The following EOMES variants were observed in gnomAD, a reference collection of about 807,000 sequenced individuals.
EOMES encodes the protein eomesodermin homolog.
Under a neutral mutation model 61.0 loss-of-function variants are expected in EOMES, and 18 were observed. The ratio of observed to expected loss-of-function variants is 0.30; its 90% CI spans 0.20 to 0.44. The LOEUF is 0.44. Ranked by LOEUF, EOMES falls within the 20% of genes least tolerant of loss-of-function variation. The pLI, the probability that EOMES is intolerant of heterozygous loss-of-function variation, is 1.00. For missense variants in EOMES, 885 were observed against 939.2 expected (o/e 0.94, Z 0.75); for synonymous variants, 430 against 394.0 (o/e 1.09, Z -1.08).
Position 27,718,726 on chromosome 3 carries a change from G to A in EOMES, c.1317+9C>T. On this transcript the variant is annotated intron_variant, in intron 4 of 5. Transcript: ENST00000449599. ...CTTTAGAGATTCTTGAGATGTCTGG[G>A]ACACTCACATCGGTGTTTTGGTAGG... The A allele has an allele frequency of 6.2e-7, 1 of 1,613,932 alleles. No homozygotes were observed. Among genetic ancestry groups the A allele is most frequent in the Non-Finnish European group, 8.5e-7 (1 of 1,179,820 alleles).
In EOMES at chr3:27,722,111, C is replaced by A. The variant is rs866025915; in HGVS notation, c.184G>T (p.Glu62Ter). The change falls in exon 1 of 6, where the codon GAG (glutamate) becomes TAG (stop). Residue 62 changes from glutamate (E) to a stop codon, truncating the protein, a stop_gained. Coordinates refer to ENST00000449599, the MANE Select transcript of EOMES (RefSeq NM_001278182.2). LOFTEE classifies it high-confidence loss of function. ...SKKFSGSLSC[E>*]AVSGEPAAAS... ...GCTGCGGGCTCCCCGCTCACCGCCT[C>A]GCAGGAGAGACTGCCGGAAAACTTC... The A allele has an allele frequency of 6.5e-7, 1 of 1,550,052 alleles. No individual in the cohort carries two copies. Among genetic ancestry groups the A allele is most frequent in the Non-Finnish European group, 8.7e-7 (1 of 1,147,096 alleles).
chr3:27,721,377 A>G lies in EOMES; in HGVS notation c.881+37T>C, dbSNP rs1010489421. On this transcript the variant is annotated intron_variant, in intron 1 of 5. Transcript: ENST00000449599. The surrounding 1 kb of genome is among the most constrained non-coding windows in gnomAD (Gnocchi z 7.4). ...TCCCCAGGACCACACGTCACCCTTT[A>G]TCCCCGAACCCAGGGGCCCCTCCAC... 7 of 1,551,778 alleles carry G rather than the reference A, an allele frequency of 4.5e-6. No homozygotes were observed. The highest frequency in any genetic ancestry group is 6.1e-6 in the Non-Finnish European group (7 of 1,140,022).
chr3:27,717,700 C>T lies in EOMES; in HGVS notation c.1488G>A (p.Pro496=), dbSNP rs148361153. 151 of 1,613,746 alleles carry T rather than the reference C, an allele frequency of 9.4e-5. No individual in the cohort carries two copies. The highest frequency in any genetic ancestry group is 1.6e-4 in the Middle Eastern group (1 of 6,062). The change falls in exon 6 of 6, where the codon CCG becomes CCA. Residue 496 remains proline, a synonymous_variant. Transcript: ENST00000449599. The surrounding 1 kb of genome is among the most constrained non-coding windows in gnomAD (Gnocchi z 4.5). ...GAGGTAAAGTGTTGACAAAGGGCTC[C>T]GGGAAGAAGGATTGAACGCCGTACC... ...GGRYGVQSFF[P]EPFVNTLPQA... is the part of the protein sequence containing the mutation.
In EOMES at chr3:27,719,767, G is replaced by A. The variant is rs548589455; in HGVS notation, c.1037-286C>T. Reference sequence around the variant, plus strand: ...AGAGATGACTCTTGAAGGTCAATTTGGGGCCTTCTAAAGCTGTAAGGGCAA... The same window carrying A: ...AGAGATGACTCTTGAAGGTCAATTTAGGGCCTTCTAAAGCTGTAAGGGCAA... On this transcript the variant is annotated intron_variant, in intron 2 of 5. Transcript: ENST00000449599. Among the ~76,000 whole-genome samples, 13 of 152,256 alleles carry A rather than the reference G, an allele frequency of 8.5e-5. No homozygotes were observed. The South Asian group carries it at 2.5e-3, about 29-fold the overall frequency.
rs367879200 is a variant in EOMES, at chr3:27,718,771, C to T, written c.1281G>A (p.Thr427=). The T allele has an allele frequency of 2.5e-5, 40 of 1,614,028 alleles. No individual in the cohort carries two copies. The highest frequency in any genetic ancestry group is 3.1e-5 in the Non-Finnish European group (37 of 1,180,024). The change falls in exon 4 of 6, where the codon ACG becomes ACA. Residue 427 remains threonine, a synonymous_variant. Coordinates refer to ENST00000449599, the MANE Select transcript of EOMES (RefSeq NM_001278182.2). Reference sequence around the variant, plus strand: ...GGTAGGCAGTCACTGCAATGAATTGCGTTTCTGAGAAGGTAAAAGTCTGGG... The same window carrying T: ...GGTAGGCAGTCACTGCAATGAATTGTGTTTCTGAGAAGGTAAAAGTCTGGG... ...SKTQTFTFSE[T]QFIAVTAYQN...
At chr3:27,722,434 C>G (rs577922601), upstream of EOMES, 569 of 1,367,758 alleles carry the variant, frequency 4.2e-4, no homozygotes, top group Non-Finnish European at 5.1e-4. Context: ...ACCCACCTGC[C>G]GACTCGCGGG....
Position 27,720,747 on chromosome 3 carries a change from T to C in EOMES, c.882-422A>G, listed in dbSNP as rs574667508. Among the ~76,000 whole-genome samples, 13 of 152,254 alleles carry C rather than the reference T, an allele frequency of 8.5e-5. No homozygotes were observed. In the South Asian group the frequency reaches 2.5e-3, roughly 29 times the overall value. ...TATTAGGTTATTCTTGTTAAAAATA[T>C]ATATTAAAACTTTAGGCTAAAAGTC... On this transcript the variant is annotated intron_variant, in intron 1 of 5. Transcript: ENST00000449599.
rs1439691913 is a variant in EOMES at position 27,716,410 on chromosome 3, C to T, written c.*660G>A. ...TTTTTTTTTTTTGGTGACTCCTTAG[C>T]TTGCTCTCTCCTGAGTCCCACTGGC... On this transcript the variant is annotated 3_prime_UTR_variant, in exon 6 of 6. Coordinates refer to ENST00000449599, the MANE Select transcript of EOMES (RefSeq NM_001278182.2). 8.1e-6 allele frequency: 1 copy of T among 123,416 alleles called. No homozygotes were observed. Among genetic ancestry groups the T allele is most frequent in the East Asian group, 2.5e-4 (1 of 4,044 alleles). 7.6% of individuals were successfully genotyped at this position (123,416 alleles called of 1,614,324 possible).
In EOMES at chr3:27,720,531, C is replaced by CAA. The variant is rs757181277; in HGVS notation, c.882-208_882-207dup. Among the ~76,000 whole-genome samples, 242 of 62,318 alleles carry CAA rather than the reference C, an allele frequency of 3.9e-3. 51 individuals carry two copies. Among genetic ancestry groups the CAA allele is most frequent in the Non-Finnish European group, 5.6e-3 (181 of 32,048 alleles). The allele number at this position is 62,318 out of a possible 152,430, so 40.9% of individuals were successfully genotyped here. ...AACTCTTGGAACCTTTCCGTCTTTT[C>CAA]AAAAAAAAAAAAAAAAAAAAAAAAA... On this transcript the variant is annotated intron_variant, in intron 1 of 5. Transcript: ENST00000449599.
Position 27,721,842 on chromosome 3 carries a change from A to T in EOMES, c.453T>A (p.Pro151=). Residue 151 remains proline (P), a synonymous_variant, in exon 1 of 6, where the codon CCT becomes CCA. Transcript: ENST00000449599. This position sits in a 1 kb window ranked among gnomAD's most constrained non-coding sequence, Gnocchi z 7.4. ...AGGGCGCAGCCAGCTCCGACCCCTG[A>T]GGACCGGGGGACTGGAGGTAGTACC... ...SERYYLQSPG[P]QGSELAAPCS... 6.6e-7 allele frequency: 1 copy of T among 1,519,322 alleles called. No homozygotes were observed. 94.1% of individuals were successfully genotyped at this position (1,519,322 alleles called of 1,614,324 possible). A position where few individuals can be genotyped will look rare whatever the true frequency, so the allele number is the denominator to read the frequency against.
In EOMES at chr3:27,720,054, G is replaced by A. The variant is rs2060599183; in HGVS notation, c.1036+117C>T. ...AAAGACACTCATACTAACACCTCTA[G>A]GCCTCAGAATGGAAGGGGAAAAAAA... On this transcript the variant is annotated intron_variant, in intron 2 of 5. Coordinates refer to ENST00000449599, the MANE Select transcript of EOMES (RefSeq NM_001278182.2). 6.3e-6 allele frequency: 6 copies of A among 952,430 alleles called. No individual in the cohort carries two copies. In the East Asian group the frequency reaches 1.5e-4, roughly 23 times the overall value. The allele number at this position is 952,430 out of a possible 1,614,324, so 59.0% of individuals were successfully genotyped here.
At position 27,720,301 on chromosome 3, in the gene EOMES, G is replaced by A. The variant is rs1449938261; in HGVS notation, c.906C>T (p.Phe302=). The A allele has an allele frequency of 6.2e-7, 1 of 1,613,940 alleles. No homozygotes were observed. The highest frequency in any genetic ancestry group is 8.5e-7 in the Non-Finnish European group (1 of 1,179,890). Residue 302 remains phenylalanine, a synonymous_variant, in exon 2 of 6, where the codon TTC becomes TTT. Transcript: ENST00000449599. ...CAGTGGGATTGAGTCCGTTTATGTT[G>A]AAGCTCAAGAAAGGAAACATGCGCC... ...QGRRMFPFLS[F]NINGLNPTAH... is the part of the protein sequence containing the mutation.
Position 27,720,282 on chromosome 3 carries a change from G to C in EOMES, c.925C>G (p.Pro309Ala). 2.5e-6 allele frequency: 4 copies of C among 1,613,834 alleles called. No individual in the cohort carries two copies. The highest frequency in any genetic ancestry group is 3.4e-6 in the Non-Finnish European group (4 of 1,179,788). ...FLSFNINGLN[P>A]TAHYNVFVEV... ...ACGAACACATTGTAGTGGGCAGTGG[G>C]ATTGAGTCCGTTTATGTTGAAGCTC... The change falls in exon 2 of 6, where the codon CCC becomes GCC. Residue 309 changes from proline (P) to alanine (A), a missense_variant. By Grantham distance (27) the Pro-to-Ala change is conservative. Coordinates refer to ENST00000449599, the MANE Select transcript of EOMES (RefSeq NM_001278182.2).
Position 27,722,226 on chromosome 3 carries a change from C to G in EOMES, c.69G>C (p.Glu23Asp), listed in dbSNP as rs552894757. 1.1e-5 allele frequency: 18 copies of G among 1,605,378 alleles called. No homozygotes were observed. The African/African-American group carries it at 2.1e-4, about 19-fold the overall frequency. Reference sequence around the variant, plus strand: ...TCCCGCCGCTGCCGCCTCGCGCACTCTCCAGCGGGTAGAAGTGCGCGCCAG... The same window carrying G: ...TCCCGCCGCTGCCGCCTCGCGCACTGTCCAGCGGGTAGAAGTGCGCGCCAG... ...NLPGAHFYPL[E>D]SARGGSGGSA... Residue 23 changes from glutamate (E) to aspartate (D), a missense_variant, in exon 1 of 6, where the codon GAG (glutamate) becomes GAC (aspartate). Physicochemically the swap from Glu to Asp is conservative, Grantham distance 45 (BLOSUM62 2). Around this residue, in one of 3 missense-constraint regions of EOMES, gnomAD observed 449 missense variants for 383.6 expected, o/e 1.17. Transcript: ENST00000449599.
rs543258403 is a variant in EOMES, at chr3:27,716,285, T to C, written c.*785A>G. On this transcript the variant is annotated 3_prime_UTR_variant, in exon 6 of 6. Transcript: ENST00000449599. The stretch of plus-strand genomic sequence containing the variant: ...AAGCCAAAGCACCAGTTTTACATTA[T>C]CCCAGACACCTATGTAGACTATTTG... 2 of 152,060 alleles carry C rather than the reference T, an allele frequency of 1.3e-5. No individual in the cohort carries two copies. The highest frequency in any genetic ancestry group is 4.8e-5 in the African/African-American group (2 of 41,448). 9.4% of individuals were successfully genotyped at this position (152,060 alleles called of 1,614,324 possible).
rs1050663066 is a variant in EOMES at position 27,722,059 on chromosome 3, A to T, written c.236T>A (p.Met79Lys). Residue 79 changes from methionine to lysine, a missense_variant, in exon 1 of 6, where the codon ATG (methionine) becomes AAG (lysine). Physicochemically the swap from Met to Lys is moderately conservative, Grantham distance 95 (BLOSUM62 -1). Transcript: ENST00000449599. Reference sequence around the variant, plus strand: ...GTCCCCGGCGTCGGTGTCACTAAGCATGGCCGCGGGGGCCCCTGCGCTGGC... The same window carrying T: ...GTCCCCGGCGTCGGTGTCACTAAGCTTGGCCGCGGGGGCCCCTGCGCTGGC... ...AAASAGAPAA[M>K]LSDTDAGDAF... is the part of the protein sequence containing the mutation. 1 of 1,545,452 alleles carries T rather than the reference A, an allele frequency of 6.5e-7. No homozygotes were observed. The highest frequency in any genetic ancestry group is 1.4e-5 in the African/African-American group (1 of 72,510).
At chr3:27,722,567 T>G, upstream of EOMES, 2 of 1,258,184 alleles carry the variant, frequency 1.6e-6, no homozygotes, top group Non-Finnish European at 2.0e-6. Flanking sequence ...TCCTCGTACC[T>G]CTTGCTCCTC....
At chr3:27,722,433 C>T, upstream of EOMES, 1 of 1,369,016 alleles carries the variant, frequency 7.3e-7, no homozygotes, top group East Asian at 3.1e-5. Context: ...TACCCACCTG[C>T]CGACTCGCGG....
In EOMES at chr3:27,717,392, G is replaced by A. The variant is rs2060576862; in HGVS notation, c.1796C>T (p.Ser599Phe). 1.9e-6 allele frequency: 3 copies of A among 1,614,092 alleles called. No individual in the cohort carries two copies. In the South Asian group the frequency reaches 3.3e-5, roughly 18 times the overall value. The part of the protein sequence containing the change: ...PAMAGWGGRG[S>F]YQRKMAAGLP... The stretch of plus-strand genomic sequence containing the variant: ...TCCAGCTGCCATCTTCCTCTGGTAA[G>A]AACCTCGACCTCCCCACCCTGCCAT... Residue 599 changes from serine (S) to phenylalanine (F), a missense_variant, in exon 6 of 6, where the codon TCT becomes TTT. By Grantham distance (155) the Ser-to-Phe change is radical. Coordinates refer to ENST00000449599, the MANE Select transcript of EOMES (RefSeq NM_001278182.2). The surrounding 1 kb of genome is among the most constrained non-coding windows in gnomAD (Gnocchi z 4.5).
Sources: allele counts gnomAD v4.1 joint callset (sites outside exome capture counted in the v4.1 genomes callset), GRCh38; gene constraint gnomAD v4.1.1; regional missense constraint gnomAD v4.1.1; non-coding constraint Gnocchi (gnomAD v3.1); transcripts MANE v1.5; gene names NCBI Gene and HGNC (gene_info 2026-07-23, HGNC 2026-07-21).